Variants in TMEM45B observed in about 807,000 individuals in gnomAD.
The protein encoded by TMEM45B is transmembrane protein 45B.
TMEM45B carries 29 observed loss-of-function variants against 27.3 expected under a neutral mutation model. The observed-to-expected ratio is 1.06, with a 90% CI of 0.79 to 1.45. The LOEUF (loss-of-function observed/expected upper bound fraction) is 1.45. TMEM45B is among the 40% of genes most tolerant of loss of function. The probability of loss-of-function intolerance (pLI) is 0.00; values close to 1 mark genes in which losing one functional copy is unlikely to be tolerated. For missense variants in TMEM45B, 348 were observed against 343.9 expected, an observed-to-expected ratio of 1.01 and a Z score of -0.09; for synonymous variants, 143 against 134.7, an observed-to-expected ratio of 1.06 and a Z score of -0.43.
chr11:129,858,490 A>C (rs1947961505), intron 5 of TMEM45B, 84 bp from the exon 6 acceptor site: 2 of 865,550 alleles, frequency 2.3e-6, no homozygotes, highest in African/African-American at 1.7e-5. Context: ...AAAATAGTTT[A>C]AGAATCAGTA....
chr11:129,816,469 G>A (rs2135544437), intron 1 of TMEM45B, among the ~76,000 whole-genome samples: 1 of 152,246 alleles, frequency 6.6e-6, no homozygotes, highest in Admixed American at 6.5e-5. Flanking sequence ...ATAACACCGG[G>A]CGGTGGATAA....
chr11:129,816,894 C>T (rs1209488279), intron 1 of TMEM45B, among the ~76,000 whole-genome samples: 2 of 149,374 alleles, frequency 1.3e-5, no homozygotes, highest in African/African-American at 4.9e-5. Flanking sequence ...CCCGCCACCA[C>T]GCCCGGCTAA....
At chr11:129,836,563 A>G (rs1413905488) in intron 1 of TMEM45B, among the ~76,000 whole-genome samples, 1 of 152,174 alleles carries the variant, frequency 6.6e-6, no homozygotes, top group African/African-American at 2.4e-5. Context: ...CTTTTGAGAT[A>G]AGATCTTTAA....
At chr11:129,852,747 T>A in intron 2 of TMEM45B, 87 bp downstream of exon 2, 4 of 1,423,974 alleles carry the variant, frequency 2.8e-6, no homozygotes, top group Non-Finnish European at 3.8e-6. Flanking sequence ...GAAATAGATG[T>A]TCCCACTGGC....
chr11:129,832,697 A>T (rs578178675), intron 1 of TMEM45B, among the ~76,000 whole-genome samples: 23 of 152,164 alleles, frequency 1.5e-4, no homozygotes, highest in Non-Finnish European at 3.1e-4. Context: ...TACCAAATTA[A>T]ACACCTTAAA....
Position 129,816,877 on chromosome 11 carries a change from A to G in TMEM45B, c.-9+979A>G, listed in dbSNP as rs185818283. ...CTCAGCCTCCCGAGTAGCTAGGACTACTGGCGCCCGCCACCACGCCCGGCT... is the reference window on the plus strand; with the variant it reads ...CTCAGCCTCCCGAGTAGCTAGGACTGCTGGCGCCCGCCACCACGCCCGGCT... On this transcript the variant is annotated intron_variant, in intron 1 of 5. Transcript: ENST00000281441. 2.2e-4 allele frequency among the ~76,000 whole-genome samples: 33 copies of G among 150,126 alleles called. No homozygotes were observed. In the East Asian group the frequency reaches 4.3e-3, roughly 20 times the overall value.
intron 4 of TMEM45B, 79 bp downstream of exon 4, chr11:129,855,971 G>T: frequency 6.6e-7 from 1 of 1,521,084 alleles, no homozygotes; most frequent in East Asian, 2.3e-5. Flanking sequence ...AATCCCTGAC[G>T]AGAATATGGG....
chr11:129,837,585 C>CTATTTTTTTTTTTTTTTTTTTTTT (rs1947636878), intron 1 of TMEM45B, among the ~76,000 whole-genome samples: 1 of 80,294 alleles, frequency 1.2e-5, no homozygotes, highest in Non-Finnish European at 2.5e-5. Flanking sequence ...CTGCACTGGG[C>CTATTTTTTTTTTTTTTTTTTTTTT]TTTTTTTTTT....
intron 1 of TMEM45B, among the ~76,000 whole-genome samples, chr11:129,836,938 T>C (rs531445753): frequency 1.3e-5 from 2 of 152,292 alleles, no homozygotes; most frequent in African/African-American, 4.8e-5. Flanking sequence ...ATTATATAAT[T>C]CAATTTATGA....
chr11:129,842,489 C>T (rs1947708205), intron 1 of TMEM45B, among the ~76,000 whole-genome samples: 1 of 152,108 alleles, frequency 6.6e-6, no homozygotes, highest in South Asian at 2.1e-4. Context: ...AATAAACCCA[C>T]TCATATAAGG....
intron 2 of TMEM45B, 163 bp downstream of exon 2, chr11:129,852,823 C>G: frequency 1.5e-6 from 1 of 664,564 alleles, no homozygotes; most frequent in Middle Eastern, 4.4e-4. Flanking sequence ...CCATTGTGTA[C>G]AGAGCTTTAT....
At chr11:129,824,930 T>A (rs1947460482) in intron 1 of TMEM45B, among the ~76,000 whole-genome samples, 2 of 151,674 alleles carry the variant, frequency 1.3e-5, no homozygotes, top group Non-Finnish European at 2.9e-5. Context: ...GGGGACAACA[T>A]GAGCAAAGGG....
chr11:129,828,022 GCCGT>G (rs1398150115), intron 1 of TMEM45B: 1 of 133,214 alleles, frequency 7.5e-6, no homozygotes, highest in Non-Finnish European at 1.7e-5. Context: ...CATCATACAT[GCCGT>G]CTGTCATTAA....
Position 129,831,300 on chromosome 11 carries a change from G to A in TMEM45B, c.-9+15402G>A, listed in dbSNP as rs564240379. Reference sequence around the variant, plus strand: ...TTGACAACTTCTCTTTGGCATAATCGAACTGCCAGCATCACTACTTTTTCA... The same window carrying A: ...TTGACAACTTCTCTTTGGCATAATCAAACTGCCAGCATCACTACTTTTTCA... On this transcript the variant is annotated intron_variant, in intron 1 of 5. Transcript: ENST00000281441. 1.7e-4 allele frequency among the ~76,000 whole-genome samples: 26 copies of A among 152,108 alleles called. No individual in the cohort carries two copies. The South Asian group carries it at 5.2e-3, about 30-fold the overall frequency.
In TMEM45B at chr11:129,854,999, T is replaced by C. The variant is rs139244918; in HGVS notation, c.385+183T>C. Among the ~76,000 whole-genome samples, 100 of 152,280 alleles carry C rather than the reference T, an allele frequency of 6.6e-4. No individual in the cohort carries two copies. The East Asian group carries it at 0.012, about 19-fold the overall frequency. On this transcript the variant is annotated intron_variant, in intron 3 of 5. Transcript: ENST00000281441. ...ACTCTGGATGGGCCAGGTGACATAT[T>C]CCCTAAAGTAGCTCATGAAAGCTTT...
At position 129,859,444 on chromosome 11, in the gene TMEM45B, G is replaced by A. The variant is rs953830049; in HGVS notation, c.*759G>A. The A allele has an allele frequency of 5.3e-5, 8 of 152,280 alleles. No individual in the cohort carries two copies. Among genetic ancestry groups the A allele is most frequent in the Admixed American group, 5.2e-4 (8 of 15,292 alleles). The allele number at this position is 152,280 out of a possible 1,614,324, so 9.4% of individuals were successfully genotyped here. A position where few individuals can be genotyped will look rare whatever the true frequency, so the allele number is the denominator to read the frequency against. On this transcript the variant is annotated 3_prime_UTR_variant, in exon 6 of 6. Coordinates refer to ENST00000281441, the MANE Select transcript of TMEM45B (RefSeq NM_138788.5). ...AAACGTCAGGTATGGAAGGCTTTCA[G>A]TTTTAATATGGCTGAAAGCAAAGGA...
intron 1 of TMEM45B, among the ~76,000 whole-genome samples, chr11:129,819,414 T>G (rs1485982060): frequency 6.6e-6 from 1 of 152,198 alleles, no homozygotes; most frequent in Non-Finnish European, 1.5e-5. Context: ...ACAGGCTCCT[T>G]GTGTCTTCCC....
chr11:129,819,081 C>A (rs1947386230), intron 1 of TMEM45B, among the ~76,000 whole-genome samples: 1 of 152,192 alleles, frequency 6.6e-6, no homozygotes, highest in Non-Finnish European at 1.5e-5. Context: ...TCTGTTCTAA[C>A]TGTTATTATA....
At position 129,837,585 on chromosome 11, in the gene TMEM45B, C is replaced by CTTTTTTTTTTTTTTTTTTTTT. The variant is rs200040338; in HGVS notation, c.-8-14875_-8-14874insTTTTTTTTTTTTTTTTTTTTT. ...TACAGGCATGAGCCACTGCACTGGGCTTTTTTTTTTTTTTTGAGACAGGGT... is the reference window on the plus strand; with the variant it reads ...TACAGGCATGAGCCACTGCACTGGGCTTTTTTTTTTTTTTTTTTTTTTTTTTTTTTTTTTTTGAGACAGGGT... On this transcript the variant is annotated intron_variant, in intron 1 of 5. Coordinates refer to ENST00000281441, the MANE Select transcript of TMEM45B (RefSeq NM_138788.5). 1.2e-3 allele frequency among the ~76,000 whole-genome samples: 96 copies of CTTTTTTTTTTTTTTTTTTTTT among 80,272 alleles called. 13 individuals carry two copies. The highest frequency in any genetic ancestry group is 0.015 in the Middle Eastern group (2 of 132). 52.7% of individuals were successfully genotyped at this position (80,272 alleles called of 152,430 possible).
Sources: allele counts gnomAD v4.1 joint callset (sites outside exome capture counted in the v4.1 genomes callset), GRCh38; gene constraint gnomAD v4.1.1; transcripts MANE v1.5; gene names NCBI Gene and HGNC (gene_info 2026-07-23, HGNC 2026-07-21).